COL19A1: variants seen among roughly 807,000 people sequenced by gnomAD.
COL19A1 encodes collagen alpha-1(XIX) chain.
In COL19A1, 159 loss-of-function variants were observed where a neutral mutation model predicts 190.2. The observed-to-expected ratio is 0.84, with a 90% confidence interval of 0.73 to 0.95. The LOEUF (loss-of-function observed/expected upper bound fraction) is 0.95. COL19A1 is among the 40% of genes least tolerant of loss of function. The pLI, the probability that COL19A1 is intolerant of heterozygous loss-of-function variation, is 0.00. For missense variants in COL19A1, 1,418 were observed against 1,431.9 expected (o/e 0.99, Z 0.16); for synonymous variants, 509 against 458.9 (o/e 1.11, Z -1.39).
chr6:70,016,843 A>G (rs1778138747), intron 11 of COL19A1, among the ~76,000 whole-genome samples: 1 of 152,142 alleles, frequency 6.6e-6, no homozygotes, highest in African/African-American at 2.4e-5. Flanking sequence ...TAAAATGGCT[A>G]TAATCAAAAA....
Position 70,166,758 on chromosome 6 carries a change from A to G in COL19A1, c.2445+773A>G, listed in dbSNP as rs531260710. 1.4e-3 allele frequency among the ~76,000 whole-genome samples: 210 copies of G among 152,346 alleles called. 1 individual carries two copies. Among genetic ancestry groups the G allele is most frequent in the African/African-American group, 4.2e-3 (174 of 41,584 alleles). On this transcript the variant is annotated intron_variant, in intron 37 of 50. Transcript: ENST00000620364. ...CTTTGTACACGTAAATGAAGAGATT[A>G]GCACTCTATTTCCTAAACTTGTTTC... is the stretch of plus-strand genomic sequence containing the variant.
In COL19A1 at chr6:69,885,446, C is replaced by T. The variant is rs74962386; in HGVS notation, c.91+5788C>T. ...ATGACTACTGTAGTGAACAGAATAA[C>T]ACACCTATCACCTCACGTAGTTACT... On this transcript the variant is annotated intron_variant, in intron 2 of 50. Coordinates refer to ENST00000620364, the MANE Select transcript of COL19A1 (RefSeq NM_001858.6). Among the ~76,000 whole-genome samples the T allele has an allele frequency of 6.6e-3, 1,012 of 152,216 alleles. 23 individuals carry two copies. In the East Asian group the frequency reaches 0.071, roughly 11 times the overall value.
intron 48 of COL19A1, 56 bp from the exon 49 acceptor site, chr6:70,199,552 T>C: frequency 1.5e-6 from 2 of 1,302,110 alleles, no homozygotes; most frequent in Non-Finnish European, 2.0e-6. Flanking sequence ...TTTGAAATTT[T>C]TTGACATAAA....
rs1768050772 is a variant in COL19A1, at chr6:70,209,112, G to GT, written c.*1839dup. 2 of 151,950 alleles carry GT rather than the reference G, an allele frequency of 1.3e-5. No individual in the cohort carries two copies. The highest frequency in any genetic ancestry group is 2.1e-4 in the South Asian group (1 of 4,808). 9.4% of individuals were successfully genotyped at this position (151,950 alleles called of 1,614,324 possible). Reference sequence around the variant, plus strand: ...TTAAACTTACACAATTGGGACATACGTATGTGTTTTCTTAGTAAAATGGTA... The same window carrying GT: ...TTAAACTTACACAATTGGGACATACGTTATGTGTTTTCTTAGTAAAATGGTA... On this transcript the variant is annotated 3_prime_UTR_variant, in exon 51 of 51. Coordinates refer to ENST00000620364, the MANE Select transcript of COL19A1 (RefSeq NM_001858.6).
chr6:69,944,069 A>T (rs1373566596), intron 9 of COL19A1, among the ~76,000 whole-genome samples: 1 of 152,092 alleles, frequency 6.6e-6, no homozygotes. Context: ...CTTTTGCTCC[A>T]AGTCCTTTGT....
chr6:69,879,915 A>G (rs910412730), intron 2 of COL19A1: 10 of 490,618 alleles, frequency 2.0e-5, no homozygotes, highest in African/African-American at 1.7e-4. Context: ...ACATACATGC[A>G]TGTGTGCCTC....
chr6:69,903,713 G>A (rs1770337879), intron 4 of COL19A1, among the ~76,000 whole-genome samples: 1 of 152,184 alleles, frequency 6.6e-6, no homozygotes, highest in African/African-American at 2.4e-5. Flanking sequence ...GGTGCTCCGT[G>A]CACTGCCATA....
intron 42 of COL19A1, among the ~76,000 whole-genome samples, chr6:70,179,828 G>A (rs149622230): frequency 0.011 from 1,718 of 152,130 alleles, 13 homozygotes; most frequent in Non-Finnish European, 0.015. Context: ...TATGGCCTGC[G>A]GAGTTGACTA....
intron 10 of COL19A1, among the ~76,000 whole-genome samples, chr6:69,960,784 A>G (rs1272456081): frequency 6.6e-6 from 1 of 151,858 alleles, no homozygotes; most frequent in South Asian, 2.1e-4. Flanking sequence ...CCGCCACCAC[A>G]GCCGGCTAAT....
chr6:69,907,939 A>C (rs1770669160), intron 4 of COL19A1, among the ~76,000 whole-genome samples: 1 of 152,188 alleles, frequency 6.6e-6, no homozygotes, highest in South Asian at 2.1e-4. Context: ...AAAGATACAC[A>C]GTGCAAGGAA....
chr6:70,061,397 G>A (rs369550293), intron 14 of COL19A1, among the ~76,000 whole-genome samples: 1 of 151,932 alleles, frequency 6.6e-6, no homozygotes, highest in Admixed American at 6.6e-5. Flanking sequence ...CAAACCCATA[G>A]CTGGGTCCTA....
intron 4 of COL19A1, among the ~76,000 whole-genome samples, chr6:69,905,151 A>G (rs1041830145): frequency 1.3e-5 from 2 of 152,010 alleles, no homozygotes; most frequent in Admixed American, 1.3e-4. Context: ...TATCCTGCCA[A>G]CTATGCCAAT....
chr6:70,087,158 GT>G (rs1380059014), intron 15 of COL19A1, among the ~76,000 whole-genome samples: 1 of 152,130 alleles, frequency 6.6e-6, no homozygotes, highest in Non-Finnish European at 1.5e-5. Context: ...CACAGGAAAA[GT>G]TTAGTAACAC....
intron 15 of COL19A1, among the ~76,000 whole-genome samples, chr6:70,087,229 GC>G (rs1554203059): frequency 6.6e-6 from 1 of 152,092 alleles, no homozygotes; most frequent in Non-Finnish European, 1.5e-5. Flanking sequence ...GAGACAGATG[GC>G]CACAAAATAA....
intron 14 of COL19A1, among the ~76,000 whole-genome samples, chr6:70,063,187 A>T (rs1780953304): frequency 6.6e-6 from 1 of 152,174 alleles, no homozygotes; most frequent in East Asian, 1.9e-4. Context: ...CATTTTTTTC[A>T]GCACCACACT....
intron 11 of COL19A1, among the ~76,000 whole-genome samples, chr6:70,008,897 A>G (rs976448837): frequency 1.3e-5 from 2 of 152,052 alleles, no homozygotes; most frequent in African/African-American, 2.4e-5. Context: ...GTCATGCACC[A>G]TATTAGGAAA....
intron 18 of COL19A1, among the ~76,000 whole-genome samples, chr6:70,133,523 T>C (rs1785649387): frequency 6.6e-6 from 1 of 152,212 alleles, no homozygotes; most frequent in Non-Finnish European, 1.5e-5. Flanking sequence ...AGGGATAATG[T>C]ACTTGCAAGT....
rs1767940796 is a variant in COL19A1, at chr6:70,207,246, A to G, written c.3401A>G (p.His1134Arg). 6.2e-7 allele frequency: 1 copy of G among 1,613,458 alleles called. No individual in the cohort carries two copies. Among genetic ancestry groups the G allele is most frequent in the Admixed American group, 1.7e-5 (1 of 59,978 alleles). Residue 1134 changes from histidine (H) to arginine (R), a missense_variant, in exon 51 of 51, where the codon CAT (histidine) becomes CGT (arginine). By Grantham distance (29) the His-to-Arg change is conservative. Transcript: ENST00000620364. ...GAAGATTGCCTCTATCCTGTGTCTC[A>G]TGCCCATCAGCGCACAGGTGGGAAT... ...NPEDCLYPVS[H>R]AHQRTGGN
intron 14 of COL19A1, among the ~76,000 whole-genome samples, chr6:70,062,442 T>C (rs1315222268): frequency 6.6e-6 from 1 of 152,114 alleles, no homozygotes; most frequent in Non-Finnish European, 1.5e-5. Flanking sequence ...AGAGATTTTG[T>C]CACCACCAGG....
Sources: gnomAD v4.1 joint callset for allele counts (sites outside exome capture counted in the v4.1 genomes callset) on GRCh38, gnomAD v4.1.1 for gene constraint, MANE v1.5 for transcripts, NCBI Gene and HGNC (gene_info 2026-07-23, HGNC 2026-07-21) for gene names.